CLVS1: variants seen among roughly 807,000 people sequenced by gnomAD.
CLVS1 encodes the protein clavesin-1.
A neutral mutation model predicts 33.1 loss-of-function variants in CLVS1; 10 were observed. That is an observed-to-expected ratio of 0.30 (90% confidence interval 0.19 to 0.51). The LOEUF (loss-of-function observed/expected upper bound fraction) is 0.51. Among genes scored for constraint, CLVS1 ranks in the 20% least tolerant of loss-of-function variants. The probability of loss-of-function intolerance (pLI) is 0.97; values close to 1 mark genes in which losing one functional copy is unlikely to be tolerated. For synonymous variants in CLVS1, 163 were observed against 166.1 expected (o/e 0.98, Z 0.14); for missense variants, 343 against 433.4 (o/e 0.79, Z 1.85).
chr8:61,043,896 TA>T, the CLVS1 span, among the ~76,000 whole-genome samples: 1 of 152,152 alleles, frequency 6.6e-6, no homozygotes, highest in Non-Finnish European at 1.5e-5. Context: ...CCCTCTAAAG[TA>T]AGTAACAAGT....
chr8:61,256,085 T>A (rs1809074942), intron 2 of CLVS1, among the ~76,000 whole-genome samples: 1 of 152,192 alleles, frequency 6.6e-6, no homozygotes, highest in Non-Finnish European at 1.5e-5. Flanking sequence ...TATCACAAAC[T>A]GAAACCCTAT....
chr8:61,021,390 G>A, the CLVS1 span, among the ~76,000 whole-genome samples: 4 of 152,042 alleles, frequency 2.6e-5, no homozygotes, highest in South Asian at 2.1e-4. Context: ...CCGCCCTGTC[G>A]CCCAGGCTGG....
the CLVS1 span, among the ~76,000 whole-genome samples, chr8:61,003,425 C>T: frequency 3.9e-5 from 6 of 152,028 alleles, no homozygotes; most frequent in African/African-American, 7.2e-5. Context: ...GTCAAGTGAG[C>T]GAGGTCTAGG....
intron 1 of CLVS1, among the ~76,000 whole-genome samples, chr8:61,114,166 G>A (rs1805678007): frequency 6.6e-6 from 1 of 152,156 alleles, no homozygotes; most frequent in South Asian, 2.1e-4. Context: ...TATTCTTCTT[G>A]TGTTTCTTTC....
chr8:61,275,824 A>C (rs893828360), intron 2 of CLVS1, among the ~76,000 whole-genome samples: 1 of 152,234 alleles, frequency 6.6e-6, no homozygotes, highest in Non-Finnish European at 1.5e-5. Flanking sequence ...ACTGAATTCA[A>C]ATAAATAAGA....
chr8:61,351,572 C>G (rs1395905178), intron 2 of CLVS1, among the ~76,000 whole-genome samples: 2 of 151,738 alleles, frequency 1.3e-5, no homozygotes, highest in Admixed American at 1.3e-4. Context: ...AAAAAAAATA[C>G]AAACTTACAG....
rs141317069 is a variant in CLVS1 at position 61,068,708 on chromosome 8, C to T, written c.-243+11478C>T. Among the ~76,000 whole-genome samples the T allele has an allele frequency of 2.0e-4, 30 of 152,252 alleles. No individual in the cohort carries two copies. The East Asian group carries it at 5.8e-3, about 29-fold the overall frequency. On this transcript the variant is annotated intron_variant, in intron 1 of 2. Transcript: ENST00000522621. The stretch of plus-strand genomic sequence containing the variant: ...CATGTCCCTGCTGCAAGCCAGGCCT[C>T]CAGCCAGGGGAGATAAGGTGGCCTC...
chr8:61,464,867 T>A (rs1817492537), intron 5 of CLVS1: 1 of 152,238 alleles, frequency 6.6e-6, no homozygotes, highest in Non-Finnish European at 1.5e-5. Flanking sequence ...TTGGCGTATA[T>A]CTCCTGTAAG....
At chr8:61,397,547 T>G (rs1313930549) in intron 3 of CLVS1, among the ~76,000 whole-genome samples, 4 of 152,190 alleles carry the variant, frequency 2.6e-5, no homozygotes, top group Non-Finnish European at 4.4e-5. Context: ...TTTATGTATT[T>G]TGTTGTTGCT....
intron 2 of CLVS1, among the ~76,000 whole-genome samples, chr8:61,330,094 G>C (rs1193288588): frequency 6.6e-6 from 1 of 152,084 alleles, no homozygotes; most frequent in Non-Finnish European, 1.5e-5. Flanking sequence ...CAGGACCCCA[G>C]AATTCCCTGC....
chr8:61,288,826 T>A (rs1809873555), intron 1 of CLVS1, among the ~76,000 whole-genome samples: 1 of 152,252 alleles, frequency 6.6e-6, no homozygotes, highest in Non-Finnish European at 1.5e-5. Flanking sequence ...TTTCCTTTCC[T>A]AAGTGTTTAA....
At chr8:61,178,891 C>T (rs986688038) in intron 2 of CLVS1, among the ~76,000 whole-genome samples, 2 of 152,136 alleles carry the variant, frequency 1.3e-5, no homozygotes, top group Non-Finnish European at 2.9e-5. Context: ...ACTGCAAAAA[C>T]ACACCAAAAT....
chr8:61,089,139 AT>A, intron 1 of CLVS1, among the ~76,000 whole-genome samples: 1 of 152,240 alleles, frequency 6.6e-6, no homozygotes, highest in East Asian at 1.9e-4. Context: ...CAGGTTTAAC[AT>A]GCTATCTCAT....
intron 2 of CLVS1, chr8:61,301,172 A>C (rs564574596): frequency 1.3e-5 from 2 of 152,240 alleles, no homozygotes; most frequent in Non-Finnish European, 2.9e-5. Context: ...GAAATAAAGT[A>C]AGGTTCTTAT....
intron 2 of CLVS1, among the ~76,000 whole-genome samples, chr8:61,204,682 C>T (rs1393159672): frequency 6.6e-6 from 1 of 152,162 alleles, no homozygotes; most frequent in Non-Finnish European, 1.5e-5. Context: ...TGTATAGCTA[C>T]TTTTCTATTA....
intron 3 of CLVS1, among the ~76,000 whole-genome samples, chr8:61,416,123 T>G (rs1815419777): frequency 1.3e-5 from 2 of 152,218 alleles, no homozygotes; most frequent in African/African-American, 2.4e-5. Context: ...GACAAGGTTA[T>G]GGGACTTGTA....
At chr8:61,428,604 A>T (rs1424970270) in intron 3 of CLVS1, among the ~76,000 whole-genome samples, 1 of 152,188 alleles carries the variant, frequency 6.6e-6, no homozygotes, top group Non-Finnish European at 1.5e-5. Flanking sequence ...AATTGTGCTG[A>T]TAGAAAAAGG....
chr8:61,375,312 G>A (rs190426560), intron 2 of CLVS1, among the ~76,000 whole-genome samples: 21 of 149,984 alleles, frequency 1.4e-4, no homozygotes, highest in Admixed American at 9.4e-4. Context: ...GTGCAATGGC[G>A]CGATCTCAGC....
intron 2 of CLVS1, among the ~76,000 whole-genome samples, chr8:61,239,363 G>C (rs1166458929): frequency 6.6e-6 from 1 of 152,112 alleles, no homozygotes; most frequent in Non-Finnish European, 1.5e-5. Flanking sequence ...TTTTATTGTT[G>C]TTGTGCTTAG....
Sources: allele counts gnomAD v4.1 joint callset (sites outside exome capture counted in the v4.1 genomes callset), GRCh38; gene constraint gnomAD v4.1.1; transcripts MANE v1.5; gene names NCBI Gene and HGNC (gene_info 2026-07-23, HGNC 2026-07-21).